The following BAHD1 variants were observed in gnomAD, a reference collection of about 807,000 sequenced individuals.
BAHD1 encodes bromo adjacent homology domain-containing 1 protein.
BAHD1 carries 20 observed loss-of-function variants against 63.1 expected under a neutral mutation model. That is an observed-to-expected ratio of 0.32 (90% CI 0.22 to 0.46). The LOEUF is 0.46. BAHD1 is among the 20% of genes least tolerant of loss of function. BAHD1 has a pLI of 1.00. For synonymous variants in BAHD1, 408 were observed against 426.8 expected (o/e 0.96, Z 0.54); for missense variants, 939 against 1,071.8 (o/e 0.88, Z 1.73).
chr15:40,442,075 G>A (rs975889260), intron 1 of BAHD1, among the ~76,000 whole-genome samples: 7 of 152,162 alleles, frequency 4.6e-5, no homozygotes, highest in Non-Finnish European at 7.4e-5. Flanking sequence ...GTGACAGCGG[G>A]ACCCTGTGCT....
intron 1 of BAHD1, among the ~76,000 whole-genome samples, chr15:40,451,632 A>G (rs1453201099): frequency 6.6e-6 from 1 of 152,132 alleles, no homozygotes; most frequent in African/African-American, 2.4e-5. Context: ...CAAGCCATTG[A>G]CTAAGGCCAC....
Position 40,441,275 on chromosome 15 carries a change from CAG to C in BAHD1, c.-15+8_-15+9del, listed in dbSNP as rs966192264. 55 of 151,490 alleles carry C rather than the reference CAG, an allele frequency of 3.6e-4. 1 individual carries two copies. Among genetic ancestry groups the C allele is most frequent in the African/African-American group, 1.3e-3 (54 of 41,410 alleles). 9.4% of individuals were successfully genotyped at this position (151,490 alleles called of 1,614,324 possible). A position where few individuals can be genotyped will look rare whatever the true frequency, so the allele number is the denominator to read the frequency against. ...GTCCGCGCCGCCCGTTCTGGTGAGTCAGGGGCCGGGGTCGAGGAGGGGGAAGG... is the reference window on the plus strand; with the variant it reads ...GTCCGCGCCGCCCGTTCTGGTGAGTCGGGCCGGGGTCGAGGAGGGGGAAGG... On this transcript the variant is annotated splice_region_variant and intron_variant, in intron 1 of 6. Transcript: ENST00000416165.
intron 2 of BAHD1, among the ~76,000 whole-genome samples, chr15:40,461,280 G>A (rs376468943): frequency 3.9e-5 from 6 of 152,194 alleles, no homozygotes; most frequent in African/African-American, 1.4e-4. Flanking sequence ...CACATGGCTA[G>A]TAAGTGGCAG....
intron 3 of BAHD1, among the ~76,000 whole-genome samples, chr15:40,463,051 C>T (rs1244431400): frequency 6.6e-6 from 1 of 152,054 alleles, no homozygotes; most frequent in Non-Finnish European, 1.5e-5. Context: ...CATATAATCC[C>T]AGAGCTTTCA....
chr15:40,442,633 A>G (rs1893436238), intron 1 of BAHD1, among the ~76,000 whole-genome samples: 1 of 152,186 alleles, frequency 6.6e-6, no homozygotes, highest in Middle Eastern at 3.4e-3. Flanking sequence ...TAGTTTGATT[A>G]GGACAAGAGA....
At position 40,458,680 on chromosome 15, in the gene BAHD1, G is replaced by A; in HGVS notation, c.216G>A (p.Val72=). ...CTGAGAAGCCCAAGGCCTGCAAAGT[G>A]CTGCTGACTCGCCTGGAGAATGTGG... ...LVPEKPKACK[V]LLTRLENVAG... The change falls in exon 2 of 7, where the codon GTG becomes GTA. Residue 72 remains valine (V), a synonymous_variant. Transcript: ENST00000416165. This position sits in a 1 kb window ranked among gnomAD's most constrained non-coding sequence, Gnocchi z 4.7. 6.2e-7 allele frequency: 1 copy of A among 1,613,920 alleles called. No individual in the cohort carries two copies. The highest frequency in any genetic ancestry group is 1.1e-5 in the South Asian group (1 of 91,074).
In BAHD1 at chr15:40,465,439, G is replaced by A. The variant is rs1023172292; in HGVS notation, c.2153+4G>A. On this transcript the variant is annotated splice_donor_region_variant and intron_variant, in intron 6 of 6. Transcript: ENST00000416165. ...TGACTTTTGCCGAGTACTGCAGGTAGGTGGTTCCCTGCACCCTCTGGCTGG... is the reference window on the plus strand; with the variant it reads ...TGACTTTTGCCGAGTACTGCAGGTAAGTGGTTCCCTGCACCCTCTGGCTGG... 8 of 1,610,814 alleles carry A rather than the reference G, an allele frequency of 5.0e-6. No individual in the cohort carries two copies. Among genetic ancestry groups the A allele is most frequent in the South Asian group, 1.1e-5 (1 of 91,014 alleles).
intron 1 of BAHD1, chr15:40,443,341 C>G (rs1357284246): frequency 1.0e-6 from 1 of 981,294 alleles, no homozygotes; most frequent in African/African-American, 1.8e-5. Flanking sequence ...TATTACCTCA[C>G]TCAGGAGGCT....
At chr15:40,454,186 C>T (rs1893785291) in intron 1 of BAHD1, 1 of 152,180 alleles carries the variant, frequency 6.6e-6, no homozygotes, top group Non-Finnish European at 1.5e-5. Flanking sequence ...CCTTCCAGGC[C>T]CTCACCCTTG....
At position 40,446,895 on chromosome 15, in the gene BAHD1, T is replaced by G. The variant is rs1391487012; in HGVS notation, c.-15+5627T>G. Among the ~76,000 whole-genome samples, 7 of 152,318 alleles carry G rather than the reference T, an allele frequency of 4.6e-5. No individual in the cohort carries two copies. The East Asian group carries it at 1.3e-3, about 29-fold the overall frequency. ...CTTTTATTCCATCTCCAATGCCTTTTGGGGACTCCTAGCCTCCATCAGTGC... is the reference window on the plus strand; with the variant it reads ...CTTTTATTCCATCTCCAATGCCTTTGGGGGACTCCTAGCCTCCATCAGTGC... On this transcript the variant is annotated intron_variant, in intron 1 of 6. Coordinates refer to ENST00000416165, the MANE Select transcript of BAHD1 (RefSeq NM_014952.5).
At chr15:40,460,015 G>C in intron 2 of BAHD1, 119 bp downstream of exon 2, 2 of 1,301,922 alleles carry the variant, frequency 1.5e-6, no homozygotes, top group Non-Finnish European at 2.0e-6. Flanking sequence ...CTGGAAGGTA[G>C]GGGGCTTTCA....
Position 40,459,772 on chromosome 15 carries a change from T to C in BAHD1, c.1308T>C (p.Ser436=). ...TPFQHPPWGS[S]RYCSSEDTGV... is the part of the protein sequence containing the mutation. ...TCCAGCACCCTCCCTGGGGCTCCTC[T>C]CGCTACTGCTCTAGCGAGGACACTG... Residue 436 remains serine (S), a synonymous_variant, in exon 2 of 7, where the codon TCT becomes TCC. Coordinates refer to ENST00000416165, the MANE Select transcript of BAHD1 (RefSeq NM_014952.5). The C allele has an allele frequency of 1.2e-6, 2 of 1,613,896 alleles. No homozygotes were observed. Among genetic ancestry groups the C allele is most frequent in the Non-Finnish European group, 1.7e-6 (2 of 1,180,008 alleles).
chr15:40,459,300 C>T lies in BAHD1; in HGVS notation c.836C>T (p.Pro279Leu), dbSNP rs1378329686. 5 of 1,612,908 alleles carry T rather than the reference C, an allele frequency of 3.1e-6. No individual in the cohort carries two copies. In the Admixed American group the frequency reaches 6.7e-5, roughly 22 times the overall value. ...AAGPPGWQGC[P>L]DEPWPSATPC... ...GGCCCACCTGGCTGGCAAGGCTGCCCTGATGAACCATGGCCATCTGCAACT... is the reference window on the plus strand; with the variant it reads ...GGCCCACCTGGCTGGCAAGGCTGCCTTGATGAACCATGGCCATCTGCAACT... Residue 279 changes from proline (P) to leucine (L), a missense_variant, in exon 2 of 7, where the codon CCT becomes CTT. Pro to Leu is a moderately conservative substitution (Grantham distance 98). Transcript: ENST00000416165.
chr15:40,440,644 G>A (rs1361925169), upstream of BAHD1, among the ~76,000 whole-genome samples: 3 of 152,066 alleles, frequency 2.0e-5, no homozygotes, highest in African/African-American at 4.8e-5. Flanking sequence ...TGAAGACGAA[G>A]AGAAAAATCC....
chr15:40,459,761 T>C lies in BAHD1; in HGVS notation c.1297T>C (p.Trp433Arg), dbSNP rs942838199. Residue 433 changes from tryptophan to arginine, a missense_variant, in exon 2 of 7, where the codon TGG becomes CGG. Trp to Arg is a moderately radical substitution (Grantham distance 101). Transcript: ENST00000416165. The stretch of plus-strand genomic sequence containing the variant: ...AGGCACCCCTTTCCAGCACCCTCCC[T>C]GGGGCTCCTCTCGCTACTGCTCTAG... ...PSGTPFQHPP[W>R]GSSRYCSSED... 6.2e-7 allele frequency: 1 copy of C among 1,613,964 alleles called. No homozygotes were observed.
rs1893951231 is a variant in BAHD1, at chr15:40,459,243, C to T, written c.779C>T (p.Ala260Val). 6.2e-7 allele frequency: 1 copy of T among 1,612,326 alleles called. No homozygotes were observed. The highest frequency in any genetic ancestry group is 8.5e-7 in the Non-Finnish European group (1 of 1,179,556). ...GTCAATGGCAAGAACTATCCCAAGG[C>T]TTGGCAGGGGGCCAGCTCTGGGGAG... Reference protein sequence around the residue: ...PKVNGKNYPKAWQGASSGEAA... With the variant: ...PKVNGKNYPKVWQGASSGEAA... Residue 260 changes from alanine to valine, a missense_variant, in exon 2 of 7, where the codon GCT becomes GTT. Ala to Val is a moderately conservative substitution (Grantham distance 64, BLOSUM62 0). This residue lies in a region of BAHD1 where 797 missense variants were observed against 813.3 expected (regional missense o/e 0.98). Transcript: ENST00000416165.
At chr15:40,451,907 G>T in intron 1 of BAHD1, among the ~76,000 whole-genome samples, 1 of 145,450 alleles carries the variant, frequency 6.9e-6, no homozygotes, top group Non-Finnish European at 1.5e-5. Flanking sequence ...CTAAAGACTA[G>T]TTTTTTATTG....
intron 5 of BAHD1, 191 bp from the exon 6 acceptor site, chr15:40,465,144 G>A: frequency 1.7e-6 from 1 of 596,414 alleles, no homozygotes; most frequent in Non-Finnish European, 3.0e-6. Context: ...CTGGAGAAGG[G>A]GGGGACCTAG....
rs1595844875 is a variant in BAHD1, at chr15:40,443,132, C to T, written c.-15+1864C>T. On this transcript the variant is annotated intron_variant, in intron 1 of 6. Coordinates refer to ENST00000416165, the MANE Select transcript of BAHD1 (RefSeq NM_014952.5). ...GTGGATTTTGCTGAGAATCTGAGTT[C>T]GAGTCCCACCTCAGGTAGGGCTGGT... 4.7e-5 allele frequency: 14 copies of T among 295,740 alleles called. No individual in the cohort carries two copies. The South Asian group carries it at 1.7e-3, about 37-fold the overall frequency. 18.3% of individuals were successfully genotyped at this position (295,740 alleles called of 1,614,324 possible). A position where few individuals can be genotyped will look rare whatever the true frequency, so the allele number is the denominator to read the frequency against.
Sources: allele counts gnomAD v4.1 joint callset (sites outside exome capture counted in the v4.1 genomes callset), GRCh38; gene constraint gnomAD v4.1.1; regional missense constraint gnomAD v4.1.1; non-coding constraint Gnocchi (gnomAD v3.1); transcripts MANE v1.5; gene names NCBI Gene and HGNC (gene_info 2026-07-23, HGNC 2026-07-21).